Variants in RARB observed in about 807,000 individuals in gnomAD.
RARB encodes HBV-activated protein.
Under a neutral mutation model 51.9 loss-of-function variants are expected in RARB, and 17 were observed. The observed-to-expected ratio is 0.33, with a 90% CI of 0.22 to 0.49. RARB has a LOEUF of 0.49. RARB is among the 20% of genes least tolerant of loss of function. The pLI is 0.99. For missense variants in RARB, 369 were observed against 550.8 expected (o/e 0.67, Z 3.30); for synonymous variants, 215 against 195.4 (o/e 1.10, Z -0.84).
chr3:25,191,140 T>C (rs1252299396), intron 5 of RARB, among the ~76,000 whole-genome samples: 1 of 152,118 alleles, frequency 6.6e-6, no homozygotes, highest in Non-Finnish European at 1.5e-5. Flanking sequence ...TAAAAGGGCA[T>C]TTTAGTCCAT....
chr3:25,299,232 A>G (rs1022566760), intron 5 of RARB, among the ~76,000 whole-genome samples: 1 of 152,130 alleles, frequency 6.6e-6, no homozygotes, highest in African/African-American at 2.4e-5. Flanking sequence ...GAATCCCTCA[A>G]CTTTAATAGC....
At chr3:25,409,636 G>A (rs1035640198) in intron 5 of RARB, among the ~76,000 whole-genome samples, 1 of 152,108 alleles carries the variant, frequency 6.6e-6, no homozygotes, top group Non-Finnish European at 1.5e-5. Flanking sequence ...AAGCACCAAA[G>A]AGGTATACAG....
At position 25,414,966 on chromosome 3, in the gene RARB, C is replaced by T. The variant is rs1252934402; in HGVS notation, c.179-46227C>T. 3.3e-5 allele frequency among the ~76,000 whole-genome samples: 5 copies of T among 152,216 alleles called. No homozygotes were observed. The East Asian group carries it at 5.8e-4, about 18-fold the overall frequency. Reference sequence around the variant, plus strand: ...AAGCAATTCTCCTGACTCAGCCTCCCGAGTAGCTGGGATTACAGGCACCTG... The same window carrying T: ...AAGCAATTCTCCTGACTCAGCCTCCTGAGTAGCTGGGATTACAGGCACCTG... On this transcript the variant is annotated intron_variant, in intron 5 of 11. Coordinates refer to the RARB transcript ENST00000383772.
chr3:25,087,158 G>A (rs1043428323), intron 3 of RARB, among the ~76,000 whole-genome samples: 1 of 152,094 alleles, frequency 6.6e-6, no homozygotes, highest in Admixed American at 6.5e-5. Context: ...GTGTTTCAAT[G>A]TTAATACTGG....
chr3:25,544,180 A>G (rs1458226612), intron 3 of RARB, among the ~76,000 whole-genome samples: 1 of 152,226 alleles, frequency 6.6e-6, no homozygotes, highest in Non-Finnish European at 1.5e-5. Flanking sequence ...GATCAGAAAA[A>G]TTGGATATAT....
At chr3:24,894,966 T>C (rs1365681976) in intron 2 of RARB, among the ~76,000 whole-genome samples, 5 of 152,220 alleles carry the variant, frequency 3.3e-5, no homozygotes, top group East Asian at 1.9e-4. Context: ...GAAGAACATA[T>C]GTGGAAAAAC....
intron 5 of RARB, among the ~76,000 whole-genome samples, chr3:25,421,011 A>AAAG (rs1707843220): frequency 6.7e-6 from 1 of 149,646 alleles, no homozygotes; most frequent in African/African-American, 2.5e-5. Flanking sequence ...AAAAAAAAAC[A>AAAG]GAGTCATATG....
chr3:25,050,566 C>T (rs1396181544), intron 2 of RARB, among the ~76,000 whole-genome samples: 24 of 152,150 alleles, frequency 1.6e-4, no homozygotes. Context: ...CACCCTTTTC[C>T]ACCACTGATT....
intron 2 of RARB, among the ~76,000 whole-genome samples, chr3:24,880,370 A>G (rs979996757): frequency 5.3e-5 from 8 of 152,130 alleles, no homozygotes; most frequent in African/African-American, 1.9e-4. Context: ...GGCAACACGA[A>G]TCTGTAATTA....
At chr3:25,165,687 G>C (rs757261376) in intron 4 of RARB, among the ~76,000 whole-genome samples, 1 of 152,070 alleles carries the variant, frequency 6.6e-6, no homozygotes, top group Non-Finnish European at 1.5e-5. Context: ...TATACCTTAC[G>C]TTTGGGAATA....
chr3:25,046,392 T>G (rs1214006252), intron 2 of RARB, among the ~76,000 whole-genome samples: 1 of 152,226 alleles, frequency 6.6e-6, no homozygotes, highest in African/African-American at 2.4e-5. Context: ...ACTTTGATAT[T>G]CTGGAAGGCA....
At chr3:25,173,390 G>A (rs368478377) in intron 4 of RARB, among the ~76,000 whole-genome samples, 2 of 152,132 alleles carry the variant, frequency 1.3e-5, no homozygotes, top group South Asian at 2.1e-4. Context: ...GATTTGATTG[G>A]TGAATAGGTG....
chr3:25,482,182 C>T (rs1464567222), intron 2 of RARB, among the ~76,000 whole-genome samples: 1 of 152,152 alleles, frequency 6.6e-6, no homozygotes, highest in East Asian at 1.9e-4. Flanking sequence ...GCTATGGAAA[C>T]AGTCATTTCC....
chr3:25,467,150 A>C (rs528350359), intron 2 of RARB, among the ~76,000 whole-genome samples: 28 of 152,370 alleles, frequency 1.8e-4, no homozygotes, highest in African/African-American at 6.7e-4. Context: ...CAGAGAAATT[A>C]GAAGTATCCA....
intron 2 of RARB, among the ~76,000 whole-genome samples, chr3:25,048,855 T>A (rs962436413): frequency 1.3e-5 from 2 of 151,092 alleles, no homozygotes; most frequent in South Asian, 2.1e-4. Context: ...TCCCGGGTTC[T>A]CGCCATTCTC....
chr3:25,562,555 C>T (rs923323417), intron 3 of RARB, among the ~76,000 whole-genome samples: 1 of 152,212 alleles, frequency 6.6e-6, no homozygotes, highest in Non-Finnish European at 1.5e-5. Flanking sequence ...AGGAAAGCAT[C>T]TCAGGGGTTC....
At chr3:24,874,143 G>A (rs1702999645) in intron 2 of RARB, among the ~76,000 whole-genome samples, 2 of 151,954 alleles carry the variant, frequency 1.3e-5, no homozygotes, top group South Asian at 2.1e-4. Context: ...TGGTATTGGA[G>A]GGTCCTGGAA....
intron 2 of RARB, among the ~76,000 whole-genome samples, chr3:25,049,504 T>C (rs1698284159): frequency 6.6e-6 from 1 of 152,114 alleles, no homozygotes; most frequent in Non-Finnish European, 1.5e-5. Flanking sequence ...ATGAAAAGGG[T>C]GGGAGACTTA....
chr3:24,992,059 C>G lies in RARB; in HGVS notation c.-379-68066C>G, dbSNP rs187348303. ...AGGGCACTCCCCACGTGGGCCCTTG[C>G]AACTCCAGCAGGGCTCTGACACCCT... On this transcript the variant is annotated intron_variant, in intron 2 of 11. Transcript: ENST00000383772. 4.8e-3 allele frequency among the ~76,000 whole-genome samples: 729 copies of G among 152,272 alleles called. 3 individuals carry two copies. Among genetic ancestry groups the G allele is most frequent in the Non-Finnish European group, 7.7e-3 (521 of 68,012 alleles).
Sources: gnomAD v4.1 joint callset for allele counts (sites outside exome capture counted in the v4.1 genomes callset) on GRCh38, gnomAD v4.1.1 for gene constraint, MANE v1.5 for transcripts, NCBI Gene and HGNC (gene_info 2026-07-23, HGNC 2026-07-21) for gene names.